Variants in NPY2R observed in about 807,000 individuals in gnomAD.
NPY2R encodes neuropeptide Y receptor type 2.
In NPY2R, 17 loss-of-function variants were observed where a neutral mutation model predicts 22.3. The observed-to-expected ratio is 0.76, with a 90% confidence interval of 0.52 to 1.14. The LOEUF is 1.14. Ranked by LOEUF, NPY2R falls within the 50% of genes most tolerant of loss-of-function variation. The pLI is 0.00. For synonymous variants in NPY2R, 209 were observed against 183.4 expected (o/e 1.14, Z -1.13); for missense variants, 424 against 467.9 (o/e 0.91, Z 0.87).
chr4:155,174,484 A>AT, the NPY2R span, among the ~76,000 whole-genome samples: 306 of 106,026 alleles, frequency 2.9e-3, 5 homozygotes, highest in South Asian at 5.4e-3. Context: ...ATATATATAT[A>AT]TTTTTTTTTT....
chr4:155,210,586 G>T lies in NPY2R; in HGVS notation c.-49+1517G>T, dbSNP rs1368798517. 1.3e-5 allele frequency among the ~76,000 whole-genome samples: 2 copies of T among 152,144 alleles called. 1 individual carries two copies. Among genetic ancestry groups the T allele is most frequent in the East Asian group, 3.9e-4 (2 of 5,190 alleles). ...TCTTAGTCTAGGGGATATGGTGTGG[G>T]CTATCAAACATACACTCCAAGATAT... On this transcript the variant is annotated intron_variant, in intron 1 of 1. Coordinates refer to ENST00000329476, the MANE Select transcript of NPY2R (RefSeq NM_000910.4).
the NPY2R span, among the ~76,000 whole-genome samples, chr4:155,190,743 C>CA: frequency 6.6e-6 from 1 of 151,876 alleles, no homozygotes; most frequent in South Asian, 2.1e-4. Flanking sequence ...TACCTGGGTG[C>CA]ACCTTCAGAG....
chr4:155,180,422 A>G, the NPY2R span, among the ~76,000 whole-genome samples: 1,260 of 152,330 alleles, frequency 8.3e-3, 16 homozygotes, highest in Non-Finnish European at 0.011. Context: ...GATTTTCTAC[A>G]TCTTCCCTCA....
In NPY2R at chr4:155,214,482, T is replaced by A; in HGVS notation, c.543T>A (p.Ser181Arg). Reference protein sequence around the residue: ...LAWGISALLASPLAIFREYSL... With the variant: ...LAWGISALLARPLAIFREYSL... ...GGGGCATCAGTGCCCTGCTGGCAAG[T>A]CCCCTGGCCATCTTCCGGGAGTATT... The change falls in exon 2 of 2, where the codon AGT (serine) becomes AGA (arginine). Residue 181 changes from serine to arginine, a missense_variant. Coordinates refer to ENST00000329476, the MANE Select transcript of NPY2R (RefSeq NM_000910.4). 1 of 1,614,148 alleles carries A rather than the reference T, an allele frequency of 6.2e-7. No individual in the cohort carries two copies. The highest frequency in any genetic ancestry group is 8.5e-7 in the Non-Finnish European group (1 of 1,180,016).
chr4:155,179,229 T>C, the NPY2R span, among the ~76,000 whole-genome samples: 1 of 148,648 alleles, frequency 6.7e-6, no homozygotes, highest in East Asian at 2.0e-4. Context: ...ATCATATCTT[T>C]ATTTCTGTTT....
the NPY2R span, among the ~76,000 whole-genome samples, chr4:155,180,144 T>C: frequency 6.6e-6 from 1 of 152,010 alleles, no homozygotes; most frequent in African/African-American, 2.4e-5. Flanking sequence ...GTTCTCAAAC[T>C]CCTAGGCTCA....
the NPY2R span, among the ~76,000 whole-genome samples, chr4:155,200,794 G>A: frequency 2.0e-5 from 3 of 152,122 alleles, no homozygotes; most frequent in Admixed American, 1.3e-4. Context: ...ATAAGTGGGA[G>A]TTGAACAATG....
At chr4:155,187,554 G>T in the NPY2R span, among the ~76,000 whole-genome samples, 3 of 149,460 alleles carry the variant, frequency 2.0e-5, no homozygotes, top group Non-Finnish European at 4.5e-5. Flanking sequence ...AGCAGCGTGA[G>T]AGAGAGAGAG....
the NPY2R span, among the ~76,000 whole-genome samples, chr4:155,193,247 C>G: frequency 2.0e-5 from 3 of 151,896 alleles, no homozygotes. Flanking sequence ...ACCATTACCC[C>G]TCTTTCACAG....
At chr4:155,199,734 T>C in the NPY2R span, among the ~76,000 whole-genome samples, 1 of 151,476 alleles carries the variant, frequency 6.6e-6, no homozygotes, top group Non-Finnish European at 1.5e-5. Context: ...CCATCTGAAC[T>C]GGACAAAAAC....
the NPY2R span, among the ~76,000 whole-genome samples, chr4:155,177,392 T>A: frequency 1.3e-5 from 2 of 152,046 alleles, no homozygotes; most frequent in African/African-American, 4.8e-5. Flanking sequence ...GGGTACCGAG[T>A]AAGTCCCCAA....
intron 1 of NPY2R, among the ~76,000 whole-genome samples, chr4:155,213,227 A>G (rs1453402709): frequency 6.6e-6 from 1 of 152,190 alleles, no homozygotes; most frequent in African/African-American, 2.4e-5. Flanking sequence ...TGATTTTACT[A>G]CCATACAATC....
upstream of NPY2R, chr4:155,207,002 A>G (rs984539695): frequency 1.2e-4 from 19 of 152,236 alleles, no homozygotes; most frequent in African/African-American, 3.9e-4. Context: ...AACAAAAACA[A>G]CTACTAAAAG....
At chr4:155,185,224 G>C in the NPY2R span, among the ~76,000 whole-genome samples, 1 of 151,938 alleles carries the variant, frequency 6.6e-6, no homozygotes, top group Non-Finnish European at 1.5e-5. Context: ...ATTTTTAGTA[G>C]AGACGGGGTT....
the NPY2R span, among the ~76,000 whole-genome samples, chr4:155,197,093 A>T: frequency 6.6e-6 from 1 of 151,940 alleles, no homozygotes; most frequent in African/African-American, 2.4e-5. Flanking sequence ...TTAATATAGT[A>T]CTCATGCCAT....
the NPY2R span, among the ~76,000 whole-genome samples, chr4:155,194,290 G>A: frequency 6.6e-6 from 1 of 151,676 alleles, no homozygotes; most frequent in Non-Finnish European, 1.5e-5. Flanking sequence ...GTGCAGATTT[G>A]TTTCATGGGT....
At chr4:155,184,143 A>G in the NPY2R span, among the ~76,000 whole-genome samples, 3 of 152,086 alleles carry the variant, frequency 2.0e-5, no homozygotes, top group East Asian at 1.9e-4. Context: ...TACTCTTTCT[A>G]TAGGTCTTTT....
chr4:155,182,576 C>T, the NPY2R span, among the ~76,000 whole-genome samples: 1 of 152,164 alleles, frequency 6.6e-6, no homozygotes, highest in African/African-American at 2.4e-5. Flanking sequence ...TGCAGAGCCT[C>T]TCTCAGGCCA....
the NPY2R span, among the ~76,000 whole-genome samples, chr4:155,198,785 C>T: frequency 2.0e-5 from 3 of 151,558 alleles, no homozygotes; most frequent in African/African-American, 7.3e-5. Context: ...AGACATTGCT[C>T]AGATCTTCTA....
Sources: gnomAD v4.1 joint callset for allele counts (sites outside exome capture counted in the v4.1 genomes callset) on GRCh38, gnomAD v4.1.1 for gene constraint, MANE v1.5 for transcripts, NCBI Gene and HGNC (gene_info 2026-07-23, HGNC 2026-07-21) for gene names.